Variants in RAB2B observed in about 807,000 individuals in gnomAD.
The protein encoded by RAB2B is ras-related protein Rab-2B.
In RAB2B, 20 loss-of-function variants were observed where a neutral mutation model predicts 29.8. That is an observed-to-expected ratio of 0.67 (90% CI 0.47 to 0.97). The LOEUF (loss-of-function observed/expected upper bound fraction) is 0.97, where lower values mean the gene tolerates loss of function less well. Among genes scored for constraint, RAB2B ranks in the 50% least tolerant of loss-of-function variants. The pLI is 0.00. For missense variants in RAB2B, 218 were observed against 272.0 expected, an observed-to-expected ratio of 0.80 and a Z score of 1.40; for synonymous variants, 93 against 91.7, an observed-to-expected ratio of 1.01 and a Z score of -0.08.
Position 21,460,135 on chromosome 14 carries a change from A to C in RAB2B, c.*1061T>G. Reference sequence around the variant, plus strand: ...CTACAAGAATTCTTAGGAAGTGGCAAGCAGACACCCAAAGGCAAGGAAGAA... The same window carrying C: ...CTACAAGAATTCTTAGGAAGTGGCACGCAGACACCCAAAGGCAAGGAAGAA... On this transcript the variant is annotated 3_prime_UTR_variant, in exon 8 of 8. Transcript: ENST00000397762. 1.9e-6 allele frequency: 1 copy of C among 518,728 alleles called. No homozygotes were observed. The highest frequency in any genetic ancestry group is 1.4e-5 in the South Asian group (1 of 71,582). 32.1% of individuals were successfully genotyped at this position (518,728 alleles called of 1,614,324 possible). A position where few individuals can be genotyped will look rare whatever the true frequency, so the allele number is the denominator to read the frequency against.
At chr14:21,474,045 G>A (rs988134400) in intron 3 of RAB2B, among the ~76,000 whole-genome samples, 1 of 151,826 alleles carries the variant, frequency 6.6e-6, no homozygotes, top group Non-Finnish European at 1.5e-5. Flanking sequence ...AAAAACATTA[G>A]CCACGTGTGG....
At chr14:21,463,796 TA>T in intron 5 of RAB2B, 29 bp from the exon 6 acceptor site, 30 of 1,380,450 alleles carry the variant, frequency 2.2e-5, no homozygotes, top group Non-Finnish European at 2.6e-5. Context: ...GGAGAAAATT[TA>T]AAAAAAAGAT....
At chr14:21,476,247 G>A in intron 2 of RAB2B, 1 of 360,728 alleles carries the variant, frequency 2.8e-6, no homozygotes, top group Non-Finnish European at 5.1e-6. Flanking sequence ...TTATGCTTTC[G>A]TGGGATTTTC....
intron 6 of RAB2B, 55 bp downstream of exon 6, chr14:21,463,601 G>C (rs949615650): frequency 1.5e-5 from 18 of 1,200,378 alleles, no homozygotes; most frequent in Non-Finnish European, 1.9e-5. Flanking sequence ...TGAATACAAG[G>C]ACAAATAATG....
rs116308448 is a variant in RAB2B at position 21,463,026 on chromosome 14, G to A, written c.475-608C>T. ...CATACTCTATTCTCCACTGGTTACC[G>A]AAGATACCATCAACACCAGGCCTAG... is the stretch of plus-strand genomic sequence containing the variant. On this transcript the variant is annotated intron_variant, in intron 6 of 7. Transcript: ENST00000397762. Among the ~76,000 whole-genome samples, 886 of 151,884 alleles carry A rather than the reference G, an allele frequency of 5.8e-3. 9 individuals are homozygous for A. The highest frequency in any genetic ancestry group is 0.02 in the African/African-American group (838 of 41,396).
chr14:21,473,205 G>A (rs530801769), intron 3 of RAB2B, among the ~76,000 whole-genome samples: 5 of 152,302 alleles, frequency 3.3e-5, no homozygotes, highest in African/African-American at 1.2e-4. Flanking sequence ...AAGAAAAAAG[G>A]AAAAATAATG....
At chr14:21,465,676 T>C (rs1369528006) in intron 5 of RAB2B, among the ~76,000 whole-genome samples, 6 of 152,208 alleles carry the variant, frequency 3.9e-5, no homozygotes, top group Non-Finnish European at 1.5e-5. Flanking sequence ...TTATTTATTA[T>C]TATTTTTAAT....
At position 21,474,934 on chromosome 14, in the gene RAB2B, C is replaced by T; in HGVS notation, c.119G>A (p.Gly40Asp). Residue 40 changes from glycine (G) to aspartate (D), a missense_variant and splice_region_variant, in exon 3 of 8, where the codon GGT becomes GAT. Physicochemically the swap from Gly to Asp is moderately conservative, Grantham distance 94. Transcript: ENST00000397762. ...RFQPVHDLTI[G>D]VEFGARMVNI... ...GACCATACGAGCTCCAAACTCCACA[C>T]CTGTCGGTAAAGACCGAGAGAAAGA... The T allele has an allele frequency of 6.2e-7, 1 of 1,613,820 alleles. No individual in the cohort carries two copies. Among genetic ancestry groups the T allele is most frequent in the South Asian group, 1.1e-5 (1 of 91,072 alleles).
At chr14:21,468,644 C>T in intron 4 of RAB2B, 26 bp downstream of exon 4, 2 of 1,522,148 alleles carry the variant, frequency 1.3e-6, no homozygotes, top group African/African-American at 1.4e-5. Flanking sequence ...GAAGAATCTC[C>T]CTCCCATGCA....
At chr14:21,476,783 C>T in intron 1 of RAB2B, 44 bp downstream of exon 1, 1 of 1,572,592 alleles carries the variant, frequency 6.4e-7, no homozygotes. Flanking sequence ...TTGGGAGCTT[C>T]GAATGCCCGC....
chr14:21,476,486 T>C (rs370365220), intron 2 of RAB2B, 42 bp downstream of exon 2: 49 of 1,611,066 alleles, frequency 3.0e-5, no homozygotes, highest in Non-Finnish European at 4.1e-5. Context: ...ATTTAGCTAG[T>C]CAGGTTTTAT....
rs1020675512 is a variant in RAB2B at position 21,475,868 on chromosome 14, G to A, written c.118+660C>T. Among the ~76,000 whole-genome samples, 4 of 152,194 alleles carry A rather than the reference G, an allele frequency of 2.6e-5. No individual in the cohort carries two copies. The East Asian group carries it at 5.8e-4, about 22-fold the overall frequency. ...CAATATGGTAAGAATGGGGATGTAG[G>A]GGTTTATTTAGAAACTGCATTTGCA... On this transcript the variant is annotated intron_variant, in intron 2 of 7. Coordinates refer to ENST00000397762, the MANE Select transcript of RAB2B (RefSeq NM_032846.4).
chr14:21,466,527 A>G (rs1317695858), intron 5 of RAB2B, among the ~76,000 whole-genome samples: 1 of 152,072 alleles, frequency 6.6e-6, no homozygotes, highest in African/African-American at 2.4e-5. Context: ...ACAAAAAACC[A>G]ATTAGCCTGT....
At chr14:21,473,885 G>A (rs1360929258) in intron 3 of RAB2B, among the ~76,000 whole-genome samples, 5 of 152,092 alleles carry the variant, frequency 3.3e-5, no homozygotes, top group African/African-American at 7.2e-5. Flanking sequence ...GGTGTCAGGC[G>A]CCTGTAGTCC....
At chr14:21,476,502 G>C (rs1453141438) in intron 2 of RAB2B, 26 bp downstream of exon 2, 2 of 1,613,598 alleles carry the variant, frequency 1.2e-6, no homozygotes, top group East Asian at 2.2e-5. Context: ...TTTATCATCT[G>C]TTCTGGAACA....
intron 3 of RAB2B, among the ~76,000 whole-genome samples, chr14:21,471,760 C>T (rs1890823238): frequency 1.3e-5 from 2 of 150,536 alleles, no homozygotes; most frequent in African/African-American, 4.9e-5. Context: ...ACTGCAACCT[C>T]CGCCTCCCAG....
intron 5 of RAB2B, among the ~76,000 whole-genome samples, chr14:21,465,663 T>C (rs1179114626): frequency 6.6e-6 from 1 of 152,166 alleles, no homozygotes; most frequent in Non-Finnish European, 1.5e-5. Context: ...GCTTCAGGTG[T>C]ATTTATTTAT....
At position 21,463,786 on chromosome 14, in the gene RAB2B, G is replaced by T. The variant is rs1890623820; in HGVS notation, c.363-19C>A. 1.4e-6 allele frequency: 2 copies of T among 1,475,700 alleles called. No individual in the cohort carries two copies. The highest frequency in any genetic ancestry group is 1.9e-6 in the Non-Finnish European group (2 of 1,075,842). 91.4% of individuals were successfully genotyped at this position (1,475,700 alleles called of 1,614,324 possible). A position where few individuals can be genotyped will look rare whatever the true frequency, so the allele number is the denominator to read the frequency against. On this transcript the variant is annotated intron_variant, in intron 5 of 7. Transcript: ENST00000397762. ...TAGGTCACTGCAAGAGATTAATTAA[G>T]GAGAAAATTTAAAAAAAAGATCCAA...
chr14:21,462,396 T>C lies in RAB2B; in HGVS notation c.497A>G (p.Glu166Gly). 8 of 1,613,668 alleles carry C rather than the reference T, an allele frequency of 5.0e-6. No individual in the cohort carries two copies. The highest frequency in any genetic ancestry group is 6.8e-6 in the Non-Finnish European group (8 of 1,179,802). Residue 166 changes from glutamate (E) to glycine (G), a missense_variant, in exon 7 of 8, where the codon GAA becomes GGA. Transcript: ENST00000397762. ...VEEAFINTAK[E>G]IYRKIQQGLF... is the part of the protein sequence containing the mutation. ...ACCCTGCTGGATCTTCCTATATATT[T>C]CTTTGGCTGTGTTAATGAAGGCCTG...
Sources: allele counts gnomAD v4.1 joint callset (sites outside exome capture counted in the v4.1 genomes callset), GRCh38; gene constraint gnomAD v4.1.1; transcripts MANE v1.5; gene names NCBI Gene and HGNC (gene_info 2026-07-23, HGNC 2026-07-21).